GSE1: variants seen among roughly 807,000 people sequenced by gnomAD.
GSE1 encodes Gse1 coiled-coil protein.
GSE1 carries 32 observed loss-of-function variants against 112.6 expected under a neutral mutation model. The ratio of observed to expected loss-of-function variants is 0.28; its 90% CI spans 0.21 to 0.38. The LOEUF (loss-of-function observed/expected upper bound fraction) is 0.38. GSE1 is among the 10% of genes least tolerant of loss of function. GSE1 has a pLI of 1.00. For missense variants in GSE1, 2,348 were observed against 1,699.2 expected (o/e 1.38, Z -6.71); for synonymous variants, 1,115 against 735.6 (o/e 1.52, Z -8.35).
At chr16:85,583,793 T>C (rs1188829930) in intron 1 of GSE1, among the ~76,000 whole-genome samples, 1 of 152,052 alleles carries the variant, frequency 6.6e-6, no homozygotes, top group Non-Finnish European at 1.5e-5. Flanking sequence ...CCACGAGAAA[T>C]GAGGCCTGAC....
At chr16:85,536,117 C>T (rs922585851) in intron 2 of GSE1, among the ~76,000 whole-genome samples, 2 of 152,218 alleles carry the variant, frequency 1.3e-5, no homozygotes, top group Non-Finnish European at 2.9e-5. Flanking sequence ...CCCAGGGAAA[C>T]GGTCCCCAGG....
intron 2 of GSE1, among the ~76,000 whole-genome samples, chr16:85,454,644 C>T (rs1453595139): frequency 1.3e-5 from 2 of 152,250 alleles, no homozygotes; most frequent in Non-Finnish European, 2.9e-5. Flanking sequence ...AGGACGCGTT[C>T]CTTGTGGAGG....
chr16:85,431,337 G>A (rs1039600404), intron 2 of GSE1, among the ~76,000 whole-genome samples: 3 of 152,216 alleles, frequency 2.0e-5, no homozygotes, highest in African/African-American at 4.8e-5. Context: ...GCATGATGGC[G>A]TATGGCAAAA....
chr16:85,207,221 C>T (rs1481796805), intron 1 of GSE1, among the ~76,000 whole-genome samples: 3 of 152,240 alleles, frequency 2.0e-5, no homozygotes, highest in Non-Finnish European at 4.4e-5. Context: ...TGCTCCCCAG[C>T]AGAACCCCCA....
At chr16:85,607,737 C>G (rs1490248010), upstream of GSE1, among the ~76,000 whole-genome samples, 1 of 152,238 alleles carries the variant, frequency 6.6e-6, no homozygotes. Context: ...TTTCCCCTCT[C>G]TCCCTCCAGC....
chr16:85,299,678 A>C, intron 1 of GSE1, among the ~76,000 whole-genome samples: 1 of 152,186 alleles, frequency 6.6e-6, no homozygotes, highest in Non-Finnish European at 1.5e-5. Context: ...CTATAATCCC[A>C]GCACTTTGGA....
intron 2 of GSE1, among the ~76,000 whole-genome samples, chr16:85,385,011 A>G (rs1156748259): frequency 1.3e-5 from 2 of 152,240 alleles, no homozygotes; most frequent in African/African-American, 2.4e-5. Flanking sequence ...TGGCTCGGCC[A>G]GATGCTTTCA....
intron 2 of GSE1, among the ~76,000 whole-genome samples, chr16:85,475,838 G>GGTCTCAAA (rs2050436877): frequency 6.7e-6 from 1 of 150,010 alleles, no homozygotes; most frequent in South Asian, 2.1e-4. Flanking sequence ...TGCCCAGGTT[G>GGTCTCAAA]GTCTCAAGCT....
intron 2 of GSE1, among the ~76,000 whole-genome samples, chr16:85,496,859 G>A (rs949145416): frequency 3.3e-5 from 5 of 152,026 alleles, no homozygotes; most frequent in Admixed American, 2.0e-4. Context: ...AGCCCCTGTG[G>A]CAGGAGGGTT....
At chr16:85,449,464 G>C (rs2049609358) in intron 2 of GSE1, among the ~76,000 whole-genome samples, 1 of 152,256 alleles carries the variant, frequency 6.6e-6, no homozygotes, top group South Asian at 2.1e-4. Context: ...CTGCGGTCGT[G>C]GCCCTGTCTG....
At chr16:85,514,180 T>C (rs2051839428) in intron 2 of GSE1, among the ~76,000 whole-genome samples, 1 of 146,014 alleles carries the variant, frequency 6.8e-6, no homozygotes, top group East Asian at 2.0e-4. Context: ...CCTCTTATCT[T>C]CCCCCCTCCC....
intron 2 of GSE1, among the ~76,000 whole-genome samples, chr16:85,520,025 T>G (rs2151149635): frequency 6.6e-6 from 1 of 152,338 alleles, no homozygotes; most frequent in East Asian, 1.9e-4. Flanking sequence ...CCCAGGACCC[T>G]GTCTTAGTCA....
At chr16:85,198,499 G>GTGCA (rs1221342482) in intron 1 of GSE1, among the ~76,000 whole-genome samples, 2 of 152,134 alleles carry the variant, frequency 1.3e-5, no homozygotes, top group Admixed American at 6.5e-5. Context: ...CCATAAAGCA[G>GTGCA]TGGATGAGCA....
chr16:85,267,841 G>A (rs1319874878), intron 1 of GSE1, among the ~76,000 whole-genome samples: 1 of 152,178 alleles, frequency 6.6e-6, no homozygotes, highest in Non-Finnish European at 1.5e-5. Flanking sequence ...GGTTAAACAT[G>A]AGCCATGGAA....
At chr16:85,359,279 G>A (rs948751082) in intron 2 of GSE1, 3 of 409,726 alleles carry the variant, frequency 7.3e-6, no homozygotes, top group South Asian at 1.7e-5. Context: ...GGCGGCTCAC[G>A]GGTCAGTGGA....
intron 2 of GSE1, among the ~76,000 whole-genome samples, chr16:85,494,648 C>T (rs2051113060): frequency 6.6e-6 from 1 of 152,144 alleles, no homozygotes; most frequent in Non-Finnish European, 1.5e-5. Flanking sequence ...AAGCAACCCT[C>T]CCTCCTTGGC....
At chr16:85,624,226 A>T (rs1347587918) in intron 1 of GSE1, among the ~76,000 whole-genome samples, 1 of 152,056 alleles carries the variant, frequency 6.6e-6, no homozygotes. Flanking sequence ...GGCACCTCTC[A>T]CCTGCCTGGA....
chr16:85,426,329 G>T (rs1329261115), intron 2 of GSE1, among the ~76,000 whole-genome samples: 2 of 147,780 alleles, frequency 1.4e-5, no homozygotes, highest in Admixed American at 6.7e-5. Context: ...GTGGGTAGAT[G>T]TATATATGGA....
intron 2 of GSE1, among the ~76,000 whole-genome samples, chr16:85,535,329 C>T (rs8050205): frequency 0.02 from 3,014 of 152,350 alleles, 94 homozygotes; most frequent in African/African-American, 0.069. Context: ...CTTTGCCTCC[C>T]CTTGTCTGCG....
Sources: gnomAD v4.1 joint callset for allele counts (sites outside exome capture counted in the v4.1 genomes callset) on GRCh38, gnomAD v4.1.1 for gene constraint, MANE v1.5 for transcripts, NCBI Gene and HGNC (gene_info 2026-07-23, HGNC 2026-07-21) for gene names.